RIMS2: variants seen among roughly 807,000 people sequenced by gnomAD.
RIMS2 encodes the protein regulating synaptic membrane exocytosis protein 2.
RIMS2 carries 59 observed loss-of-function variants against 174.4 expected under a neutral mutation model. The ratio of observed to expected loss-of-function variants is 0.34; its 90% CI spans 0.27 to 0.42. The LOEUF (loss-of-function observed/expected upper bound fraction) is 0.42, where lower values mean the gene tolerates loss of function less well. Among genes scored for constraint, RIMS2 ranks in the 10% least tolerant of loss-of-function variants. The pLI is 1.00. For missense variants in RIMS2, 1,620 were observed against 1,666.3 expected, an observed-to-expected ratio of 0.97 and a Z score of 0.48; for synonymous variants, 606 against 572.5, an observed-to-expected ratio of 1.06 and a Z score of -0.84.
chr8:103,795,191 T>C (rs543817932), intron 3 of RIMS2, among the ~76,000 whole-genome samples: 1 of 152,242 alleles, frequency 6.6e-6, no homozygotes, highest in Non-Finnish European at 1.5e-5. Context: ...AACCCAAATG[T>C]CATCAATGAT....
chr8:103,810,399 T>G (rs2098679071), intron 3 of RIMS2, among the ~76,000 whole-genome samples: 3 of 152,142 alleles, frequency 2.0e-5, no homozygotes, highest in Non-Finnish European at 4.4e-5. Flanking sequence ...ACTCAATCAG[T>G]GGCAAGCAGC....
rs550236442 is a variant in RIMS2, at chr8:103,663,281, G to A, written c.177-33805G>A. 5.3e-5 allele frequency among the ~76,000 whole-genome samples: 8 copies of A among 152,200 alleles called. No individual in the cohort carries two copies. In the South Asian group the frequency reaches 1.7e-3, roughly 32 times the overall value. On this transcript the variant is annotated intron_variant, in intron 1 of 23. Transcript: ENST00000504942. Reference sequence around the variant, plus strand: ...ATAAAACAGAGAAACAAAGCCATTTGTATTAAGGAGGTGTGTTACAATAGA... The same window carrying A: ...ATAAAACAGAGAAACAAAGCCATTTATATTAAGGAGGTGTGTTACAATAGA...
chr8:103,801,530 A>G (rs1244037946), intron 3 of RIMS2, among the ~76,000 whole-genome samples: 1 of 152,196 alleles, frequency 6.6e-6, no homozygotes, highest in Non-Finnish European at 1.5e-5. Context: ...TTCATGTTCC[A>G]TACTAATCTG....
intron 2 of RIMS2, among the ~76,000 whole-genome samples, chr8:103,753,445 C>T (rs949502266): frequency 2.6e-5 from 4 of 152,108 alleles, no homozygotes; most frequent in Admixed American, 2.0e-4. Context: ...TGATGCTGGC[C>T]TCATAAAATG....
At chr8:104,173,714 C>T (rs1381642359) in intron 19 of RIMS2, among the ~76,000 whole-genome samples, 1 of 144,374 alleles carries the variant, frequency 6.9e-6, no homozygotes, top group South Asian at 2.3e-4. Context: ...CTGCAAGCTC[C>T]ACCTCCCGGG....
intron 1 of RIMS2, among the ~76,000 whole-genome samples, chr8:103,506,636 C>T (rs1823774955): frequency 6.6e-6 from 1 of 152,170 alleles, no homozygotes; most frequent in African/African-American, 2.4e-5. Context: ...TTATTGTTAA[C>T]TGACATAGAT....
chr8:103,792,665 C>G (rs1208182817), intron 3 of RIMS2, among the ~76,000 whole-genome samples: 1 of 127,072 alleles, frequency 7.9e-6, no homozygotes, highest in African/African-American at 2.9e-5. Context: ...TAAAGATCAA[C>G]AAAATTGATA....
At chr8:103,646,571 TTTG>T (rs1445202738) in intron 1 of RIMS2, among the ~76,000 whole-genome samples, 3 of 152,068 alleles carry the variant, frequency 2.0e-5, no homozygotes, top group Non-Finnish European at 4.4e-5. Context: ...GGCCTCAGTG[TTTG>T]TTGTTTCCCC....
chr8:104,206,169 G>A (rs565068323), intron 19 of RIMS2, among the ~76,000 whole-genome samples: 146 of 152,252 alleles, frequency 9.6e-4, no homozygotes, highest in African/African-American at 3.4e-3. Context: ...ACTGGTTTCT[G>A]TAATTGTCAA....
At chr8:104,021,321 A>C (rs1227026492) in intron 19 of RIMS2, among the ~76,000 whole-genome samples, 1 of 152,184 alleles carries the variant, frequency 6.6e-6, no homozygotes, top group Non-Finnish European at 1.5e-5. Flanking sequence ...TGTAAATATG[A>C]ATAGTATTCA....
At chr8:104,025,900 A>G (rs1219229913) in intron 19 of RIMS2, among the ~76,000 whole-genome samples, 1 of 152,178 alleles carries the variant, frequency 6.6e-6, no homozygotes, top group East Asian at 1.9e-4. Flanking sequence ...TAGTATGGTA[A>G]CAAGCTGTAC....
chr8:104,111,119 T>C (rs1263788782), intron 19 of RIMS2, among the ~76,000 whole-genome samples: 1 of 152,042 alleles, frequency 6.6e-6, no homozygotes, highest in Non-Finnish European at 1.5e-5. Context: ...CAGATGGAAC[T>C]AGCAAATGAA....
chr8:103,907,677 A>G (rs1205623414), intron 4 of RIMS2, among the ~76,000 whole-genome samples: 2 of 151,632 alleles, frequency 1.3e-5, no homozygotes, highest in African/African-American at 4.8e-5. Flanking sequence ...CTATATGTTA[A>G]TTATTGCCAA....
At chr8:103,734,388 C>T (rs375630439) in intron 2 of RIMS2, among the ~76,000 whole-genome samples, 25 of 146,112 alleles carry the variant, frequency 1.7e-4, no homozygotes, top group African/African-American at 5.6e-4. Context: ...AACTTTTGTA[C>T]ATCTGAAAAT....
At chr8:103,615,036 T>C (rs1011361968) in intron 1 of RIMS2, among the ~76,000 whole-genome samples, 3 of 152,208 alleles carry the variant, frequency 2.0e-5, no homozygotes, top group African/African-American at 7.2e-5. Context: ...TTAATTATGT[T>C]TATATTATAT....
chr8:103,618,714 C>T (rs925033301), intron 1 of RIMS2, among the ~76,000 whole-genome samples: 1 of 152,126 alleles, frequency 6.6e-6, no homozygotes, highest in Non-Finnish European at 1.5e-5. Flanking sequence ...GTCATCTTCA[C>T]ACAGATGAGT....
In RIMS2 at chr8:104,171,492, A is replaced by AT. The variant is rs967000488; in HGVS notation, c.3335-73416dup. 2.0e-3 allele frequency among the ~76,000 whole-genome samples: 162 copies of AT among 82,578 alleles called. 1 individual carries two copies. The highest frequency in any genetic ancestry group is 6.9e-3 in the African/African-American group (122 of 17,554). The allele number at this position is 82,578 out of a possible 152,430, so 54.2% of individuals were successfully genotyped here. On this transcript the variant is annotated intron_variant, in intron 19 of 23. Coordinates refer to ENST00000504942, the Ensembl canonical transcript of RIMS2. ...CTTTTATATCCAGAAGTTCTGATTG[A>AT]TTTTTTTTGTTATATATATATATCT... is the stretch of plus-strand genomic sequence containing the variant.
chr8:103,982,545 G>T (rs978426172), intron 16 of RIMS2, among the ~76,000 whole-genome samples: 1 of 149,838 alleles, frequency 6.7e-6, no homozygotes, highest in Non-Finnish European at 1.5e-5. Context: ...TAAAAAGGTC[G>T]TTCATCAAGA....
chr8:104,209,631 A>C (rs1264688089), intron 19 of RIMS2, among the ~76,000 whole-genome samples: 2 of 152,226 alleles, frequency 1.3e-5, no homozygotes, highest in African/African-American at 2.4e-5. Flanking sequence ...CCTTGCTAGA[A>C]TATGAGCTTT....
Sources: gnomAD v4.1 joint callset for allele counts (sites outside exome capture counted in the v4.1 genomes callset) on GRCh38, gnomAD v4.1.1 for gene constraint, MANE v1.5 for transcripts, NCBI Gene and HGNC (gene_info 2026-07-23, HGNC 2026-07-21) for gene names.